The following INO80 variants were observed in gnomAD, a reference collection of about 807,000 sequenced individuals.
The protein encoded by INO80 is INO80 complex ATPase subunit.
A neutral mutation model predicts 203.4 loss-of-function variants in INO80; 20 were observed. That is an observed-to-expected ratio of 0.10 (90% CI 0.07 to 0.14). The LOEUF (loss-of-function observed/expected upper bound fraction) is 0.14, where lower values mean the gene tolerates loss of function less well. Among genes scored for constraint, INO80 ranks in the 10% least tolerant of loss-of-function variants. The pLI, the probability that INO80 is intolerant of heterozygous loss-of-function variation, is 1.00. For missense variants in INO80, 1,419 were observed against 1,914.4 expected, an observed-to-expected ratio of 0.74 and a Z score of 4.83; for synonymous variants, 726 against 685.2, an observed-to-expected ratio of 1.06 and a Z score of -0.93.
chr15:41,065,821 C>T (rs1445523375), intron 14 of INO80, among the ~76,000 whole-genome samples: 2 of 151,998 alleles, frequency 1.3e-5, no homozygotes, highest in Non-Finnish European at 2.9e-5. Flanking sequence ...GCAAATCCAG[C>T]CACAGCAGTC....
intron 35 of INO80, 147 bp from the exon 36 acceptor site, chr15:40,980,587 T>C: frequency 1.6e-6 from 1 of 632,546 alleles, no homozygotes; most frequent in East Asian, 2.8e-5. Context: ...CTTCTTGGCA[T>C]GTTTGCTTGC....
intron 9 of INO80, among the ~76,000 whole-genome samples, chr15:41,076,727 G>A (rs1301599653): frequency 6.6e-6 from 1 of 151,980 alleles, no homozygotes; most frequent in Non-Finnish European, 1.5e-5. Flanking sequence ...GGGTGACAGA[G>A]TAAGATATCA....
At chr15:40,998,784 GC>G (rs2043916457) in intron 28 of INO80, among the ~76,000 whole-genome samples, 4 of 152,128 alleles carry the variant, frequency 2.6e-5, no homozygotes, top group Admixed American at 2.6e-4. Flanking sequence ...CTCCCGAGTA[GC>G]TGGGATTACG....
intron 27 of INO80, among the ~76,000 whole-genome samples, chr15:41,015,515 C>T: frequency 6.6e-6 from 1 of 152,054 alleles, no homozygotes; most frequent in Admixed American, 6.6e-5. Flanking sequence ...TAAGAAATGT[C>T]TTCCCTAGTA....
intron 1 of INO80, among the ~76,000 whole-genome samples, chr15:41,105,407 ATG>A (rs1192089172): frequency 1.3e-5 from 2 of 152,132 alleles, no homozygotes; most frequent in Non-Finnish European, 2.9e-5. Context: ...AATGTTTCAT[ATG>A]TGTTTGCATT....
chr15:41,014,467 G>A (rs554013606), intron 27 of INO80, among the ~76,000 whole-genome samples: 1 of 152,226 alleles, frequency 6.6e-6, no homozygotes, highest in South Asian at 2.1e-4. Flanking sequence ...CACTAGACAT[G>A]CAGGCAGTCC....
At position 41,021,117 on chromosome 15, in the gene INO80, T is replaced by C. The variant is rs966906894; in HGVS notation, c.3057A>G (p.Ala1019=). ...CATTGCAGTAAGAATCCAATGGCAC[T>C]GCGGTAACCTGCAGTTAAAGATTCA... ...FLCVASPRVT[A]VPLDSYCNDR... The change falls in exon 26 of 36, where the codon GCA becomes GCG. Residue 1019 remains alanine (A), a synonymous_variant. Coordinates refer to ENST00000648947, the MANE Select transcript of INO80 (RefSeq NM_017553.3). 5 of 1,612,020 alleles carry C rather than the reference T, an allele frequency of 3.1e-6. No individual in the cohort carries two copies. Among genetic ancestry groups the C allele is most frequent in the Non-Finnish European group, 4.2e-6 (5 of 1,178,034 alleles).
intron 11 of INO80, among the ~76,000 whole-genome samples, chr15:41,072,495 C>A (rs528871756): frequency 1.7e-4 from 26 of 151,472 alleles, no homozygotes; most frequent in African/African-American, 6.3e-4. Flanking sequence ...CCAAGGCGGG[C>A]GGATCACGAG....
chr15:41,037,104 A>AAAAAC (rs1016361747), intron 24 of INO80, among the ~76,000 whole-genome samples: 20 of 152,240 alleles, frequency 1.3e-4, no homozygotes, highest in Non-Finnish European at 2.4e-4. Flanking sequence ...CTCTATCTCA[A>AAAAAC]AAAACAAAAC....
chr15:41,018,003 T>C (rs572526121), intron 26 of INO80: 1 of 152,266 alleles, frequency 6.6e-6, no homozygotes, highest in South Asian at 2.1e-4. Context: ...TTACCACAAT[T>C]ACCCTTCTCC....
intron 23 of INO80, among the ~76,000 whole-genome samples, chr15:41,046,229 ATATATATATATATATATATATATATAT>A (rs1311899947): frequency 9.6e-5 from 2 of 20,922 alleles, no homozygotes; most frequent in Non-Finnish European, 1.8e-4. Flanking sequence ...ATATATATAT[ATATATATATATATATATATATATATAT>A]TCTTGTTCTG....
chr15:41,010,232 C>T (rs963584043), intron 27 of INO80, among the ~76,000 whole-genome samples: 6 of 152,178 alleles, frequency 3.9e-5, no homozygotes, highest in Non-Finnish European at 8.8e-5. Context: ...CTGCCAGTCA[C>T]TGTTCTATTT....
intron 28 of INO80, chr15:41,004,665 G>A (rs1051260198): frequency 2.0e-5 from 3 of 151,958 alleles, no homozygotes; most frequent in Admixed American, 6.6e-5. Context: ...ATTATGGCTC[G>A]GTAAACCATC....
chr15:41,115,430 G>A (rs2046018570), intron 1 of INO80, among the ~76,000 whole-genome samples: 1 of 152,170 alleles, frequency 6.6e-6, no homozygotes, highest in African/African-American at 2.4e-5. Flanking sequence ...ACACTCCCAA[G>A]TCTATGCAGG....
Position 41,048,283 on chromosome 15 carries a change from A to G in INO80, c.2577-7T>C, listed in dbSNP as rs1353330319. 6.2e-7 allele frequency: 1 copy of G among 1,608,108 alleles called. No individual in the cohort carries two copies. Among genetic ancestry groups the G allele is most frequent in the Admixed American group, 1.7e-5 (1 of 59,984 alleles). Reference sequence around the variant, plus strand: ...AGAAAGAACCCTTAACCACCTGCAAAGTAAGTAAATAAAATAAAGCCAAAC... The same window carrying G: ...AGAAAGAACCCTTAACCACCTGCAAGGTAAGTAAATAAAATAAAGCCAAAC... On this transcript the variant is annotated splice_polypyrimidine_tract_variant and splice_region_variant and intron_variant, in intron 21 of 35. Coordinates refer to ENST00000648947, the MANE Select transcript of INO80 (RefSeq NM_017553.3).
intron 1 of INO80, among the ~76,000 whole-genome samples, chr15:41,105,503 G>T (rs949242582): frequency 6.6e-6 from 1 of 152,102 alleles, no homozygotes; most frequent in African/African-American, 2.4e-5. Flanking sequence ...ACTCGCCCAA[G>T]ATCATACAAA....
intron 1 of INO80, among the ~76,000 whole-genome samples, chr15:41,108,548 C>T (rs944900657): frequency 1.3e-5 from 2 of 148,490 alleles, no homozygotes; most frequent in South Asian, 2.1e-4. Flanking sequence ...GCCGAGATCT[C>T]GCCACTGCAT....
chr15:40,983,008 C>T lies in INO80; in HGVS notation c.4307G>A (p.Gly1436Asp). ...HSARSRGRPK[G>D]SGSTAKGAGK... ...TGCTCCTTTGGCTGTGCTTCCTGAA[C>T]CTTTGGGGCGGCCTCGGCTTCGGGC... Residue 1436 changes from glycine (G) to aspartate (D), a missense_variant, in exon 35 of 36, where the codon GGT becomes GAT. Gly to Asp is a moderately conservative substitution (Grantham distance 94, BLOSUM62 -1). Around this residue, in one of 9 missense-constraint regions of INO80, gnomAD observed 214 missense variants for 248.9 expected, o/e 0.86. Transcript: ENST00000648947. The T allele has an allele frequency of 6.2e-7, 1 of 1,614,146 alleles. No homozygotes were observed. The highest frequency in any genetic ancestry group is 8.5e-7 in the Non-Finnish European group (1 of 1,180,036).
chr15:41,025,857 C>T (rs1004827912), intron 25 of INO80, among the ~76,000 whole-genome samples: 1 of 152,198 alleles, frequency 6.6e-6, no homozygotes, highest in Admixed American at 6.5e-5. Context: ...ACTAAGAGAA[C>T]AAAACCAACC....
Sources: gnomAD v4.1 joint callset for allele counts (sites outside exome capture counted in the v4.1 genomes callset) on GRCh38, gnomAD v4.1.1 for gene constraint, gnomAD v4.1.1 regional missense constraint, MANE v1.5 for transcripts, NCBI Gene and HGNC (gene_info 2026-07-23, HGNC 2026-07-21) for gene names.